The following SLC5A4 variants were observed in gnomAD, a reference collection of about 807,000 sequenced individuals.
SLC5A4 encodes solute carrier family 5 member 4.
SLC5A4 carries 55 observed loss-of-function variants against 70.3 expected under a neutral mutation model. The observed-to-expected ratio is 0.78, with a 90% confidence interval of 0.63 to 0.98. SLC5A4 has a LOEUF of 0.98. Among genes scored for constraint, SLC5A4 ranks in the 50% least tolerant of loss-of-function variants. The pLI is 0.00. For synonymous variants in SLC5A4, 268 were observed against 305.7 expected (o/e 0.88, Z 1.29); for missense variants, 735 against 839.2 (o/e 0.88, Z 1.53).
the SLC5A4 span, among the ~76,000 whole-genome samples, chr22:32,314,964 G>T: frequency 1.3e-5 from 2 of 152,196 alleles, no homozygotes; most frequent in African/African-American, 4.8e-5. Flanking sequence ...CATGGGAATT[G>T]TGGGAGTTAC....
chr22:32,345,789 G>A, the SLC5A4 span, among the ~76,000 whole-genome samples: 1 of 152,110 alleles, frequency 6.6e-6, no homozygotes. Context: ...TGACAACAAA[G>A]GTCTAAAGAT....
chr22:32,248,544 A>G (rs1322921063), intron 4 of SLC5A4, among the ~76,000 whole-genome samples, 199 bp downstream of exon 4: 1 of 152,160 alleles, frequency 6.6e-6, no homozygotes, highest in Admixed American at 6.5e-5. Flanking sequence ...ACATGGTTAC[A>G]TATCTTCCCT....
the SLC5A4 span, among the ~76,000 whole-genome samples, chr22:32,342,701 TAA>T: frequency 2.4e-4 from 37 of 152,324 alleles, no homozygotes; most frequent in African/African-American, 8.4e-4. Flanking sequence ...ACTTTCCCAA[TAA>T]AAGTTATTCA....
intron 5 of SLC5A4, among the ~76,000 whole-genome samples, chr22:32,241,775 A>ATG (rs373261572): frequency 0.035 from 4,847 of 139,122 alleles, 179 homozygotes; most frequent in African/African-American, 0.11. Context: ...ACATATATAT[A>ATG]TGTGTGTGTG....
At chr22:32,305,280 G>A in the SLC5A4 span, among the ~76,000 whole-genome samples, 1 of 152,102 alleles carries the variant, frequency 6.6e-6, no homozygotes, top group Non-Finnish European at 1.5e-5. Flanking sequence ...GTGGCTGTGT[G>A]AAGACACGTG....
At chr22:32,307,492 C>T in the SLC5A4 span, among the ~76,000 whole-genome samples, 1 of 152,148 alleles carries the variant, frequency 6.6e-6, no homozygotes, top group Non-Finnish European at 1.5e-5. Flanking sequence ...GCCCTGGGTA[C>T]AGGGCCAGGC....
chr22:32,219,630 C>T (rs1404039278), intron 14 of SLC5A4, among the ~76,000 whole-genome samples: 1 of 28,880 alleles, frequency 3.5e-5, no homozygotes, highest in Non-Finnish European at 5.4e-5. Flanking sequence ...TCCAACTTAG[C>T]AAAAAAAAAA....
At chr22:32,269,487 C>A in the SLC5A4 span, 1 of 557,628 alleles carries the variant, frequency 1.8e-6, no homozygotes. This position sits in a 1 kb window ranked among gnomAD's most constrained non-coding sequence, Gnocchi z 4.1. Flanking sequence ...CCCAACCAGA[C>A]CTGGCCCGGG....
chr22:32,308,431 TCCTGA>T, the SLC5A4 span, among the ~76,000 whole-genome samples: 1 of 151,902 alleles, frequency 6.6e-6, no homozygotes, highest in African/African-American at 2.4e-5. Context: ...CAGGCTGGAA[TCCTGA>T]CCTGACCTGG....
At chr22:32,280,692 C>T in the SLC5A4 span, among the ~76,000 whole-genome samples, 1 of 152,162 alleles carries the variant, frequency 6.6e-6, no homozygotes, top group Non-Finnish European at 1.5e-5. Flanking sequence ...TACAGGAATT[C>T]AAGAAAGAAG....
chr22:32,299,742 A>G, the SLC5A4 span, among the ~76,000 whole-genome samples: 1 of 120,300 alleles, frequency 8.3e-6, no homozygotes, highest in Non-Finnish European at 1.8e-5. Context: ...TGCTTTTTAG[A>G]GTTTCCAGTT....
the SLC5A4 span, among the ~76,000 whole-genome samples, chr22:32,265,446 T>A: frequency 1.3e-5 from 2 of 152,072 alleles, no homozygotes; most frequent in Non-Finnish European, 2.9e-5. Context: ...CTCCAGAGAA[T>A]CATGAAACTG....
At chr22:32,353,209 C>G in the SLC5A4 span, among the ~76,000 whole-genome samples, 1 of 152,174 alleles carries the variant, frequency 6.6e-6, no homozygotes, top group Non-Finnish European at 1.5e-5. Flanking sequence ...GCTTCCTACT[C>G]TACTAGAACC....
chr22:32,315,258 C>CCAT, the SLC5A4 span, among the ~76,000 whole-genome samples: 1 of 143,908 alleles, frequency 6.9e-6, no homozygotes, highest in African/African-American at 2.6e-5. Context: ...AAGATTATGA[C>CCAT]CATCACAGAG....
chr22:32,237,263 A>C lies in SLC5A4; in HGVS notation c.645T>G (p.Ser215=). ...TLQTIIMLIG[S]FILMGFAFNE... ...ACTTACCAAACCCCATGAGAATAAAAGAGCCAATCAGCATGATGATGGTCT... is the reference window on the plus strand; with the variant it reads ...ACTTACCAAACCCCATGAGAATAAACGAGCCAATCAGCATGATGATGGTCT... The change falls in exon 7 of 15, where the codon TCT becomes TCG. Residue 215 remains serine, a synonymous_variant. Transcript: ENST00000266086. 1 of 1,609,714 alleles carries C rather than the reference A, an allele frequency of 6.2e-7. No individual in the cohort carries two copies. The highest frequency in any genetic ancestry group is 2.2e-5 in the East Asian group (1 of 44,784).
the SLC5A4 span, among the ~76,000 whole-genome samples, chr22:32,317,258 G>A: frequency 3.9e-5 from 6 of 151,982 alleles, no homozygotes; most frequent in African/African-American, 1.2e-4. Flanking sequence ...GGATGCAGAC[G>A]AGCCAATGCT....
Position 32,218,534 on chromosome 22 carries a change from T to A in SLC5A4, c.1960A>T (p.Ile654Phe), listed in dbSNP as rs769330395. The A allele has an allele frequency of 3.5e-5, 56 of 1,594,500 alleles. No homozygotes were observed. In the South Asian group the frequency reaches 5.8e-4, roughly 17 times the overall value. Residue 654 changes from isoleucine (I) to phenylalanine (F), a missense_variant, in exon 15 of 15, where the codon ATT becomes TTT. Transcript: ENST00000266086. ...AGAGTTCAGGCATAGTAGCCGTGAA[T>A]AAAGACCACCACAGCCAGGAGGAGG... is the stretch of plus-strand genomic sequence containing the variant. Reference protein sequence around the residue: ...AILLLAVVVFIHGYYA With the variant: ...AILLLAVVVFFHGYYA
the SLC5A4 span, among the ~76,000 whole-genome samples, chr22:32,338,189 G>A: frequency 6.6e-6 from 1 of 152,200 alleles, no homozygotes; most frequent in Non-Finnish European, 1.5e-5. Context: ...AATGAGGGAT[G>A]TACACAGACA....
the SLC5A4 span, among the ~76,000 whole-genome samples, chr22:32,319,593 A>G: frequency 6.6e-6 from 1 of 152,090 alleles, no homozygotes; most frequent in Admixed American, 6.5e-5. Context: ...GTGTCTTCAT[A>G]TGTGTCTATA....
Sources: allele counts gnomAD v4.1 joint callset (sites outside exome capture counted in the v4.1 genomes callset), GRCh38; gene constraint gnomAD v4.1.1; non-coding constraint Gnocchi (gnomAD v3.1); transcripts MANE v1.5; gene names NCBI Gene and HGNC (gene_info 2026-07-23, HGNC 2026-07-21).